GCNT2: variants seen among roughly 807,000 people sequenced by gnomAD.
GCNT2 encodes glucosaminyl (N-acetyl) transferase 2 (I blood group).
A neutral mutation model predicts 34.2 loss-of-function variants in GCNT2; 34 were observed. The observed-to-expected ratio is 1.00, with a 90% CI of 0.76 to 1.32. GCNT2 has a LOEUF of 1.32. GCNT2 is among the 40% of genes most tolerant of loss of function. GCNT2 has a pLI of 0.00. For missense variants in GCNT2, 584 were observed against 489.4 expected, an observed-to-expected ratio of 1.19 and a Z score of -1.82; for synonymous variants, 212 against 188.0, an observed-to-expected ratio of 1.13 and a Z score of -1.04.
intron 1 of GCNT2, among the ~76,000 whole-genome samples, chr6:10,524,426 A>G (rs1248962284): frequency 6.6e-6 from 1 of 151,640 alleles, no homozygotes; most frequent in Non-Finnish European, 1.5e-5. Context: ...CTAATTTTGT[A>G]TTTTCAGTAG....
At position 10,574,958 on chromosome 6, in the gene GCNT2, C is replaced by T; in HGVS notation, c.925+45122C>T. On this transcript the variant is annotated intron_variant, in intron 3 of 4. Transcript: ENST00000495262. ...GAGTGCTTAATGTGCTCAATACACA[C>T]ATTAATTCTCTTGGCAAGAATCTTG... is the stretch of plus-strand genomic sequence containing the variant. The T allele has an allele frequency of 4.2e-6, 3 of 722,366 alleles. No individual in the cohort carries two copies. The East Asian group carries it at 7.8e-5, about 19-fold the overall frequency. 44.7% of individuals were successfully genotyped at this position (722,366 alleles called of 1,614,324 possible).
At chr6:10,556,324 T>C in intron 3 of GCNT2, 2 of 1,585,484 alleles carry the variant, frequency 1.3e-6, no homozygotes, top group Non-Finnish European at 1.7e-6. Context: ...CAGGAGTGAG[T>C]GGAGTATGTT....
chr6:10,579,847 AAC>A (rs1363611953), intron 3 of GCNT2, among the ~76,000 whole-genome samples: 36 of 151,370 alleles, frequency 2.4e-4, no homozygotes, highest in Non-Finnish European at 4.6e-4. Flanking sequence ...AAAAAAAAAA[AAC>A]AAGTAATAAA....
At chr6:10,581,585 T>G (rs1240427462) in intron 3 of GCNT2, 1 of 183,864 alleles carries the variant, frequency 5.4e-6, no homozygotes, top group African/African-American at 2.4e-5. Flanking sequence ...TATTTATTTT[T>G]GGATACTGCT....
intron 3 of GCNT2, among the ~76,000 whole-genome samples, chr6:10,619,010 C>T (rs77973029): frequency 0.13 from 19,566 of 152,024 alleles, 2,034 homozygotes; most frequent in African/African-American, 0.28. Context: ...ATCATATAAT[C>T]ATCATATGAC....
intron 3 of GCNT2, among the ~76,000 whole-genome samples, chr6:10,599,418 T>C (rs1451048750): frequency 1.3e-5 from 2 of 152,224 alleles, no homozygotes; most frequent in Non-Finnish European, 2.9e-5. Context: ...TCCACCAGAA[T>C]GAGGGAGCAC....
At chr6:10,569,887 TTC>T (rs1365988695) in intron 3 of GCNT2, among the ~76,000 whole-genome samples, 1 of 151,438 alleles carries the variant, frequency 6.6e-6, no homozygotes, top group Admixed American at 6.6e-5. Context: ...CTCTTTCTTT[TTC>T]TTTCTTTCCT....
At position 10,582,188 on chromosome 6, in the gene GCNT2, T is replaced by TATATA. The variant is rs1300574391; in HGVS notation, c.926-39163_926-39162insATATA. 3.5e-3 allele frequency among the ~76,000 whole-genome samples: 449 copies of TATATA among 128,374 alleles called. 4 individuals are homozygous for TATATA. The highest frequency in any genetic ancestry group is 0.011 in the African/African-American group (384 of 34,382). 84.2% of individuals were successfully genotyped at this position (128,374 alleles called of 152,430 possible). On this transcript the variant is annotated intron_variant, in intron 3 of 4. Coordinates refer to ENST00000495262, the MANE Select transcript of GCNT2 (RefSeq NM_145649.5). ...TAAAATATTTTATATAAAATATATTTTTATATAATATATAAAATTTATTAT... is the reference window on the plus strand; with the variant it reads ...TAAAATATTTTATATAAAATATATTTATATATTATATAATATATAAAATTTATTAT...
In GCNT2 at chr6:10,585,880, G is replaced by A. The variant is rs73434927; in HGVS notation, c.926-35471G>A. The A allele has an allele frequency of 7.9e-3, 12,409 of 1,568,536 alleles. 836 individuals are homozygous for A. The African/African-American group carries it at 0.14, about 18-fold the overall frequency. On this transcript the variant is annotated intron_variant, in intron 3 of 4. Coordinates refer to ENST00000495262, the MANE Select transcript of GCNT2 (RefSeq NM_145649.5). ...ATTCAGGAAAGCAAGCAGCCCTCCG[G>A]AGAAGCTGTCGAAATTCAAGACTGG...
chr6:10,581,009 A>G (rs1764048757), intron 3 of GCNT2, among the ~76,000 whole-genome samples: 1 of 152,220 alleles, frequency 6.6e-6, no homozygotes, highest in African/African-American at 2.4e-5. Flanking sequence ...TGAGCCAACT[A>G]GAGTGGGCAG....
rs572425587 is a variant in GCNT2, at chr6:10,623,833, G to A, written c.1018+2390G>A. On this transcript the variant is annotated intron_variant, in intron 4 of 4. Coordinates refer to ENST00000495262, the MANE Select transcript of GCNT2 (RefSeq NM_145649.5). ...TTGGTTTGAATTGGGATTTCCAGAG[G>A]TTCAACATTTCAAGCTTTTTCCTTC... Among the ~76,000 whole-genome samples the A allele has an allele frequency of 9.9e-5, 15 of 152,274 alleles. 1 individual carries two copies. The highest frequency in any genetic ancestry group is 3.4e-3 in the Middle Eastern group (1 of 294).
chr6:10,609,840 G>T (rs541009646), intron 3 of GCNT2, among the ~76,000 whole-genome samples: 1 of 152,220 alleles, frequency 6.6e-6, no homozygotes, highest in East Asian at 1.9e-4. Context: ...ATTCTGGTAA[G>T]GGTGGTAAGA....
chr6:10,599,105 A>C (rs577003761), intron 3 of GCNT2, among the ~76,000 whole-genome samples: 4 of 152,208 alleles, frequency 2.6e-5, no homozygotes, highest in Non-Finnish European at 5.9e-5. Context: ...GATTTTCTGA[A>C]ACTCAGACAA....
In GCNT2 at chr6:10,534,139, C is replaced by CTTTTTTTT. The variant is rs1491129469; in HGVS notation, c.925+4304_925+4305insTTTTTTTT. 2.1e-3 allele frequency among the ~76,000 whole-genome samples: 258 copies of CTTTTTTTT among 123,126 alleles called. 27 individuals carry two copies. The highest frequency in any genetic ancestry group is 3.8e-3 in the South Asian group (12 of 3,128). The allele number at this position is 123,126 out of a possible 152,430, so 80.8% of individuals were successfully genotyped here. ...CTGGTATCTGCCAGATTCCATGCTGCTCTTTTTTTTTTTTTTTTTTAAGAT... is the reference window on the plus strand; with the variant it reads ...CTGGTATCTGCCAGATTCCATGCTGCTTTTTTTTTCTTTTTTTTTTTTTTTTTTAAGAT... On this transcript the variant is annotated intron_variant, in intron 3 of 4. Coordinates refer to ENST00000495262, the MANE Select transcript of GCNT2 (RefSeq NM_145649.5).
At chr6:10,557,445 A>C in intron 3 of GCNT2, 4 of 906,360 alleles carry the variant, frequency 4.4e-6, no homozygotes, top group Non-Finnish European at 7.3e-6. Context: ...TGAAAACTGG[A>C]ACATATATAG....
intron 3 of GCNT2, among the ~76,000 whole-genome samples, chr6:10,560,149 T>C (rs745618075): frequency 7.9e-5 from 12 of 152,138 alleles, no homozygotes; most frequent in Non-Finnish European, 1.5e-4. Context: ...AGTGCAGTGG[T>C]GCGATCTCGG....
At chr6:10,557,488 A>G (rs748226418) in intron 3 of GCNT2, 1 of 674,844 alleles carries the variant, frequency 1.5e-6, no homozygotes, top group East Asian at 2.7e-5. Flanking sequence ...ATGCAGAAAG[A>G]TGTTCTTTTT....
chr6:10,574,064 T>G (rs1411285741), intron 3 of GCNT2, among the ~76,000 whole-genome samples: 2 of 152,244 alleles, frequency 1.3e-5, no homozygotes, highest in African/African-American at 2.4e-5. Context: ...TAAACTCTTT[T>G]TATATACTAG....
intron 3 of GCNT2, among the ~76,000 whole-genome samples, chr6:10,600,954 C>G: frequency 6.6e-6 from 1 of 151,962 alleles, no homozygotes; most frequent in East Asian, 1.9e-4. Flanking sequence ...CCACACCCAG[C>G]AAATTTTTTG....
Sources: allele counts gnomAD v4.1 joint callset (sites outside exome capture counted in the v4.1 genomes callset), GRCh38; gene constraint gnomAD v4.1.1; transcripts MANE v1.5; gene names NCBI Gene and HGNC (gene_info 2026-07-23, HGNC 2026-07-21).